JAKMIP2: variants seen among roughly 807,000 people sequenced by gnomAD.
JAKMIP2 encodes janus kinase and microtubule-interacting protein 2.
A neutral mutation model predicts 115.0 loss-of-function variants in JAKMIP2; 25 were observed. That is an observed-to-expected ratio of 0.22 (90% CI 0.16 to 0.30). JAKMIP2 has a LOEUF of 0.30. Ranked by LOEUF, JAKMIP2 falls within the 10% of genes least tolerant of loss-of-function variation. JAKMIP2 has a pLI of 1.00. For missense variants in JAKMIP2, 642 were observed against 957.6 expected (o/e 0.67, Z 4.35); for synonymous variants, 334 against 343.6 (o/e 0.97, Z 0.31).
rs58472297 is a variant in JAKMIP2 at position 147,760,048 on chromosome 5, G to A, written c.-149+22408C>T. On this transcript the variant is annotated intron_variant, in intron 1 of 21. Transcript: ENST00000616793. ...TTATAAAGGAAAGAAAGAAATCAAG[G>A]ACAGCTCTTCAAATTGGCTTTAAAA... is the stretch of plus-strand genomic sequence containing the variant. 7.6e-3 allele frequency among the ~76,000 whole-genome samples: 1,157 copies of A among 152,176 alleles called. 17 individuals are homozygous for A. The highest frequency in any genetic ancestry group is 0.027 in the African/African-American group (1,114 of 41,514).
At position 147,715,438 on chromosome 5, in the gene JAKMIP2, T is replaced by A. The variant is rs199632904; in HGVS notation, c.-148-43484A>T. The stretch of plus-strand genomic sequence containing the variant: ...AAGAGTCTTTCTATTAATATACACA[T>A]ATAAAATAATTAAATATATATGTAT... On this transcript the variant is annotated intron_variant, in intron 1 of 21. Coordinates refer to ENST00000616793, the MANE Select transcript of JAKMIP2 (RefSeq NM_001270941.2). Among the ~76,000 whole-genome samples, 67 of 151,166 alleles carry A rather than the reference T, an allele frequency of 4.4e-4. 1 individual carries two copies. In the East Asian group the frequency reaches 8.1e-3, roughly 18 times the overall value.
intron 1 of JAKMIP2, among the ~76,000 whole-genome samples, chr5:147,760,044 C>T (rs1208522118): frequency 6.6e-6 from 1 of 152,046 alleles, no homozygotes; most frequent in African/African-American, 2.4e-5. Flanking sequence ...AGAAAGAAAT[C>T]AAGGACAGCT....
chr5:147,652,669 G>A (rs1293781524), intron 3 of JAKMIP2, among the ~76,000 whole-genome samples: 1 of 152,108 alleles, frequency 6.6e-6, no homozygotes, highest in Non-Finnish European at 1.5e-5. Flanking sequence ...CTACTCATAA[G>A]GTGGCTCAGA....
rs1581251497 is a variant in JAKMIP2 at position 147,590,426 on chromosome 5, T to C, written c.*1281A>G. On this transcript the variant is annotated 3_prime_UTR_variant, in exon 22 of 22. Transcript: ENST00000616793. ...GTACCAGTCCTCTAATTGTCTCTGG[T>C]AGAAAATGACCTTGTCAGTAACATA... 6.6e-6 allele frequency: 1 copy of C among 152,200 alleles called. No individual in the cohort carries two copies. Among genetic ancestry groups the C allele is most frequent in the East Asian group, 1.9e-4 (1 of 5,196 alleles). The allele number at this position is 152,200 out of a possible 1,614,324, so 9.4% of individuals were successfully genotyped here.
rs778292920 is a variant in JAKMIP2 at position 147,623,608 on chromosome 5, A to G, written c.2064+13T>C. ...TTTTTCTTAATTTTTACAATATCTC[A>G]TCTTGTACTTACCATGTCACTTTCC... On this transcript the variant is annotated intron_variant, in intron 17 of 21. Coordinates refer to ENST00000616793, the MANE Select transcript of JAKMIP2 (RefSeq NM_001270941.2). 1 of 1,563,610 alleles carries G rather than the reference A, an allele frequency of 6.4e-7. No individual in the cohort carries two copies. The highest frequency in any genetic ancestry group is 8.8e-7 in the Non-Finnish European group (1 of 1,134,286).
intron 1 of JAKMIP2, among the ~76,000 whole-genome samples, chr5:147,684,006 A>G (rs1346809463): frequency 6.6e-6 from 1 of 152,172 alleles, no homozygotes; most frequent in African/African-American, 2.4e-5. Flanking sequence ...TTACAGAGCA[A>G]TACAGATCTG....
At chr5:147,603,735 C>A (rs547618129) in intron 20 of JAKMIP2, among the ~76,000 whole-genome samples, 1 of 152,234 alleles carries the variant, frequency 6.6e-6, no homozygotes, top group South Asian at 2.1e-4. Context: ...AAGATTATTA[C>A]CCCATTATCA....
rs150945327 is a variant in JAKMIP2 at position 147,636,091 on chromosome 5, G to A, written c.1677+131C>T. 433 of 677,676 alleles carry A rather than the reference G, an allele frequency of 6.4e-4. 1 individual carries two copies. Among genetic ancestry groups the A allele is most frequent in the Non-Finnish European group, 9.8e-4 (381 of 389,276 alleles). The allele number at this position is 677,676 out of a possible 1,614,324, so 42.0% of individuals were successfully genotyped here. On this transcript the variant is annotated intron_variant, in intron 12 of 21. Coordinates refer to ENST00000616793, the MANE Select transcript of JAKMIP2 (RefSeq NM_001270941.2). Reference sequence around the variant, plus strand: ...CAGGGATGCGGTTGAGCACGCAGCCGAGGACAGAGCAGTGCCGGAAAAGCC... The same window carrying A: ...CAGGGATGCGGTTGAGCACGCAGCCAAGGACAGAGCAGTGCCGGAAAAGCC...
chr5:147,641,831 G>T (rs1050514320), intron 7 of JAKMIP2, 67 bp from the exon 8 acceptor site: 2 of 1,300,034 alleles, frequency 1.5e-6, no homozygotes, highest in African/African-American at 2.9e-5. Context: ...TTTTTGCAAA[G>T]ACAGAGTGTT....
chr5:147,670,736 T>A (rs1424619050), intron 2 of JAKMIP2, among the ~76,000 whole-genome samples: 1 of 152,202 alleles, frequency 6.6e-6, no homozygotes, highest in East Asian at 1.9e-4. Context: ...AATTCATACC[T>A]CAGTACAGCT....
At chr5:147,609,968 T>G (rs1007998287) in intron 20 of JAKMIP2, among the ~76,000 whole-genome samples, 4 of 152,216 alleles carry the variant, frequency 2.6e-5, no homozygotes, top group Non-Finnish European at 5.9e-5. Context: ...TCCACTTGAT[T>G]GATCCAGCTA....
intron 1 of JAKMIP2, among the ~76,000 whole-genome samples, chr5:147,744,274 A>G (rs548673451): frequency 6.6e-6 from 1 of 152,266 alleles, no homozygotes; most frequent in Admixed American, 6.5e-5. Flanking sequence ...CAGCTGTGTC[A>G]TATTTAATGA....
At chr5:147,697,722 C>A (rs764438223) in intron 1 of JAKMIP2, among the ~76,000 whole-genome samples, 5 of 152,194 alleles carry the variant, frequency 3.3e-5, no homozygotes, top group Non-Finnish European at 7.3e-5. Flanking sequence ...TAATGATGAG[C>A]CTGCTGGTGC....
At chr5:147,690,198 C>A (rs1230677523) in intron 1 of JAKMIP2, among the ~76,000 whole-genome samples, 1 of 151,824 alleles carries the variant, frequency 6.6e-6, no homozygotes, top group Non-Finnish European at 1.5e-5. Context: ...AACAAACAAA[C>A]AAACAAAAAT....
intron 8 of JAKMIP2, 108 bp from the exon 9 acceptor site, chr5:147,640,931 A>G: frequency 1.1e-6 from 1 of 871,510 alleles, no homozygotes; most frequent in Non-Finnish European, 1.8e-6. Flanking sequence ...GAAGACATGG[A>G]TCCTCTATGC....
rs1267623652 is a variant in JAKMIP2 at position 147,720,797 on chromosome 5, T to A, written c.-148-48843A>T. On this transcript the variant is annotated intron_variant, in intron 1 of 21. Coordinates refer to ENST00000616793, the MANE Select transcript of JAKMIP2 (RefSeq NM_001270941.2). ...AACTTCTTTGCCTTTGGTTTGAATG[T>A]CCTCCCGTAGCTCAGAGTAATTTGA... Among the ~76,000 whole-genome samples the A allele has an allele frequency of 3.8e-4, 58 of 151,914 alleles. 2 individuals are homozygous for A. The highest frequency in any genetic ancestry group is 3.2e-3 in the Admixed American group (49 of 15,260).
At chr5:147,695,472 A>G (rs948113978) in intron 1 of JAKMIP2, among the ~76,000 whole-genome samples, 2 of 152,194 alleles carry the variant, frequency 1.3e-5, no homozygotes, top group Admixed American at 1.3e-4. Flanking sequence ...CGAGAGAGCC[A>G]GATGAATAGG....
Position 147,702,576 on chromosome 5 carries a change from GAAGGAAA to G in JAKMIP2, c.-148-30629_-148-30623del, listed in dbSNP as rs1561547221. 1.6e-3 allele frequency among the ~76,000 whole-genome samples: 183 copies of G among 111,948 alleles called. 7 individuals are homozygous for G. In the South Asian group the frequency reaches 0.035, roughly 21 times the overall value. The allele number at this position is 111,948 out of a possible 152,430, so 73.4% of individuals were successfully genotyped here. A position where few individuals can be genotyped will look rare whatever the true frequency, so the allele number is the denominator to read the frequency against. ...AAGAAGAAAGAAAGAAAGAAAGAAA[GAAGGAAA>G]GAAAGAAAGAAAGAAAGAAGGAAAG... On this transcript the variant is annotated intron_variant, in intron 1 of 21. Coordinates refer to ENST00000616793, the MANE Select transcript of JAKMIP2 (RefSeq NM_001270941.2).
intron 1 of JAKMIP2, among the ~76,000 whole-genome samples, chr5:147,674,036 A>C (rs1435744168): frequency 2.0e-5 from 3 of 152,158 alleles, no homozygotes; most frequent in Non-Finnish European, 4.4e-5. Flanking sequence ...ATATACATAC[A>C]ACACTTTACT....
Sources: allele counts gnomAD v4.1 joint callset (sites outside exome capture counted in the v4.1 genomes callset), GRCh38; gene constraint gnomAD v4.1.1; transcripts MANE v1.5; gene names NCBI Gene and HGNC (gene_info 2026-07-23, HGNC 2026-07-21).